The following MYL1 variants were observed in gnomAD, a reference collection of about 807,000 sequenced individuals.
The protein encoded by MYL1 is myosin light chain 1/3, skeletal muscle isoform.
A neutral mutation model predicts 21.8 loss-of-function variants in MYL1; 16 were observed. The observed-to-expected ratio is 0.74, with a 90% confidence interval of 0.50 to 1.12. The LOEUF (loss-of-function observed/expected upper bound fraction) is 1.12. MYL1 is among the 50% of genes most tolerant of loss of function. The pLI is 0.00. For synonymous variants in MYL1, 99 were observed against 85.2 expected (o/e 1.16, Z -0.89); for missense variants, 246 against 241.0 (o/e 1.02, Z -0.14).
intron 1 of MYL1, among the ~76,000 whole-genome samples, chr2:210,308,405 T>TATATATATAG (rs1690370800): frequency 2.4e-5 from 1 of 41,962 alleles, no homozygotes; most frequent in Non-Finnish European, 5.2e-5. Context: ...GGCTAATATA[T>TATATATATAG]ATATATATAT....
At chr2:210,302,844 T>A in intron 1 of MYL1, 1 of 1,540,026 alleles carries the variant, frequency 6.5e-7, no homozygotes, top group Non-Finnish European at 8.8e-7. Flanking sequence ...CTCTTTCAAA[T>A]GCATTGACAG....
intron 1 of MYL1, among the ~76,000 whole-genome samples, chr2:210,305,848 G>A (rs1277174371): frequency 6.8e-6 from 1 of 146,366 alleles, no homozygotes; most frequent in African/African-American, 2.5e-5. Context: ...ATCACCTGAG[G>A]TTGGGGGTTC....
At chr2:210,314,242 A>G (rs1488156104) in intron 1 of MYL1, among the ~76,000 whole-genome samples, 4 of 152,166 alleles carry the variant, frequency 2.6e-5, no homozygotes, top group African/African-American at 9.7e-5. Flanking sequence ...TATTTTTGTT[A>G]GTTTCATTTA....
At chr2:210,307,650 C>T (rs1436117055) in intron 1 of MYL1, among the ~76,000 whole-genome samples, 4 of 152,198 alleles carry the variant, frequency 2.6e-5, no homozygotes, top group Non-Finnish European at 2.9e-5. Flanking sequence ...TTACATTCCA[C>T]GTTTTTATGA....
At chr2:210,308,870 A>ATCCTT (rs1553698676) in intron 1 of MYL1, among the ~76,000 whole-genome samples, 1 of 151,964 alleles carries the variant, frequency 6.6e-6, no homozygotes, top group African/African-American at 2.4e-5. Flanking sequence ...GTTTTTGTTC[A>ATCCTT]TTATTTTAAA....
In MYL1 at chr2:210,295,058, G is replaced by C. The variant is rs142672404; in HGVS notation, c.305-640C>G. Among the ~76,000 whole-genome samples the C allele has an allele frequency of 3.6e-3, 549 of 152,244 alleles. 10 individuals are homozygous for C. The highest frequency in any genetic ancestry group is 0.027 in the East Asian group (140 of 5,182). ...CTTCTTTGTACCTTAGAGGCCAGGAGATGATAGGACTTTATTATCTTCTGA... is the reference window on the plus strand; with the variant it reads ...CTTCTTTGTACCTTAGAGGCCAGGACATGATAGGACTTTATTATCTTCTGA... On this transcript the variant is annotated intron_variant, in intron 3 of 6. Coordinates refer to ENST00000352451, the MANE Select transcript of MYL1 (RefSeq NM_079420.3).
At chr2:210,307,469 C>T (rs1295720586) in intron 1 of MYL1, among the ~76,000 whole-genome samples, 2 of 152,172 alleles carry the variant, frequency 1.3e-5, no homozygotes, top group Admixed American at 6.5e-5. Context: ...TCAAAGTTAG[C>T]ATGTTCATTT....
At chr2:210,307,593 C>T (rs1177788931) in intron 1 of MYL1, among the ~76,000 whole-genome samples, 1 of 152,080 alleles carries the variant, frequency 6.6e-6, no homozygotes, top group African/African-American at 2.4e-5. Context: ...TTTTAAGGCT[C>T]TTTTATATTC....
chr2:210,302,709 T>A lies in MYL1; in HGVS notation c.133-194A>T, dbSNP rs554766236. 278 of 1,546,748 alleles carry A rather than the reference T, an allele frequency of 1.8e-4. 2 individuals are homozygous for A. The Admixed American group carries it at 5.4e-3, about 30-fold the overall frequency. Reference sequence around the variant, plus strand: ...TAACATGCCTTGAAGATAAGTAATATTGCAGAAACTAGGCAGTGCTGTGCC... The same window carrying A: ...TAACATGCCTTGAAGATAAGTAATAATGCAGAAACTAGGCAGTGCTGTGCC... On this transcript the variant is annotated intron_variant, in intron 1 of 6. Transcript: ENST00000352451.
At chr2:210,301,082 T>C (rs1690258669) in intron 2 of MYL1, among the ~76,000 whole-genome samples, 2 of 152,142 alleles carry the variant, frequency 1.3e-5, no homozygotes, top group Admixed American at 1.3e-4. Flanking sequence ...CAAGGGTTTT[T>C]AAGTCTTCCA....
At chr2:210,312,044 C>G (rs1322191087) in intron 1 of MYL1, among the ~76,000 whole-genome samples, 5 of 151,902 alleles carry the variant, frequency 3.3e-5, no homozygotes, top group Admixed American at 2.6e-4. Flanking sequence ...GATTGGAAAG[C>G]ACATTTAAGC....
chr2:210,292,235 G>A (rs188446824), intron 5 of MYL1, among the ~76,000 whole-genome samples: 2 of 152,168 alleles, frequency 1.3e-5, no homozygotes, highest in East Asian at 1.9e-4. Context: ...ATCACGCCCA[G>A]CTAATTTTTG....
chr2:210,312,413 G>T (rs961330819), intron 1 of MYL1, among the ~76,000 whole-genome samples: 2 of 151,420 alleles, frequency 1.3e-5, no homozygotes, highest in South Asian at 2.1e-4. Flanking sequence ...TGAAAAAATT[G>T]TATAGCTTTT....
Position 210,315,073 on chromosome 2 carries a change from G to C in MYL1, c.-31C>G. On this transcript the variant is annotated 5_prime_UTR_variant, in exon 1 of 7. Coordinates refer to ENST00000352451, the MANE Select transcript of MYL1 (RefSeq NM_079420.3). ...TTTTTAAAAGGGTGGGTTAAAAAGA[G>C]AAGGAGTTCCTCCAAAAGAACCTGT... The C allele has an allele frequency of 6.3e-7, 1 of 1,588,426 alleles. No individual in the cohort carries two copies. The highest frequency in any genetic ancestry group is 8.5e-7 in the Non-Finnish European group (1 of 1,174,150).
intron 1 of MYL1, among the ~76,000 whole-genome samples, chr2:210,308,074 C>T (rs751088730): frequency 7.2e-5 from 11 of 151,912 alleles, no homozygotes; most frequent in Non-Finnish European, 1.5e-4. Flanking sequence ...ACTTGATGGT[C>T]CTTGCAACAT....
chr2:210,295,089 T>C (rs944810155), intron 3 of MYL1, among the ~76,000 whole-genome samples: 2 of 152,180 alleles, frequency 1.3e-5, no homozygotes, highest in Non-Finnish European at 2.9e-5. Context: ...TCTGACAAGG[T>C]AAATCTTATT....
intron 1 of MYL1, among the ~76,000 whole-genome samples, chr2:210,305,039 A>G (rs1270300629): frequency 6.6e-6 from 1 of 152,254 alleles, no homozygotes; most frequent in Non-Finnish European, 1.5e-5. Context: ...GCTCACAGGC[A>G]TAATGTATAT....
At chr2:210,291,100 G>C in intron 5 of MYL1, 26 bp from the exon 6 acceptor site, 2 of 1,593,714 alleles carry the variant, frequency 1.3e-6, no homozygotes, top group South Asian at 2.2e-5. Context: ...AGACAAAATA[G>C]ACAATTTAGA....
chr2:210,301,373 C>A (rs1690263148), intron 2 of MYL1, among the ~76,000 whole-genome samples: 2 of 152,030 alleles, frequency 1.3e-5, no homozygotes, highest in Admixed American at 1.3e-4. Context: ...GTAAATATCC[C>A]TTTTTCTCAA....
Sources: gnomAD v4.1 joint callset for allele counts (sites outside exome capture counted in the v4.1 genomes callset) on GRCh38, gnomAD v4.1.1 for gene constraint, MANE v1.5 for transcripts, NCBI Gene and HGNC (gene_info 2026-07-23, HGNC 2026-07-21) for gene names.